Variants in CNTNAP2 observed in about 807,000 individuals in gnomAD.
CNTNAP2 encodes the protein contactin-associated protein-like 2.
A neutral mutation model predicts 155.2 loss-of-function variants in CNTNAP2; 98 were observed. That is an observed-to-expected ratio of 0.63 (90% CI 0.54 to 0.75). CNTNAP2 has a LOEUF of 0.75. Ranked by LOEUF, CNTNAP2 falls within the 30% of genes least tolerant of loss-of-function variation. The pLI is 0.00. For missense variants in CNTNAP2, 1,727 were observed against 1,688.1 expected, an observed-to-expected ratio of 1.02 and a Z score of -0.40; for synonymous variants, 651 against 631.2, an observed-to-expected ratio of 1.03 and a Z score of -0.47.
At chr7:147,512,532 A>T (rs571998086) in intron 11 of CNTNAP2, among the ~76,000 whole-genome samples, 1 of 152,308 alleles carries the variant, frequency 6.6e-6, no homozygotes, top group South Asian at 2.1e-4. Flanking sequence ...ATAACTAAAG[A>T]TCAAAGTAGT....
At chr7:148,351,026 A>G (rs1157367534) in intron 21 of CNTNAP2, among the ~76,000 whole-genome samples, 2 of 152,210 alleles carry the variant, frequency 1.3e-5, no homozygotes, top group Admixed American at 6.5e-5. Flanking sequence ...CAAGCGAGCG[A>G]GAGAGGTCAG....
At chr7:147,786,428 T>C (rs1371739012) in intron 13 of CNTNAP2, among the ~76,000 whole-genome samples, 1 of 152,116 alleles carries the variant, frequency 6.6e-6, no homozygotes, top group Non-Finnish European at 1.5e-5. Context: ...ATGTGCCGGA[T>C]GGCATGAGCC....
At chr7:146,400,875 T>C (rs572598406) in intron 1 of CNTNAP2, among the ~76,000 whole-genome samples, 5 of 152,296 alleles carry the variant, frequency 3.3e-5, no homozygotes, top group Admixed American at 2.0e-4. Flanking sequence ...ATTCTTGGAT[T>C]AATAAGGAAA....
At chr7:147,149,021 G>T (rs1187318491) in intron 8 of CNTNAP2, among the ~76,000 whole-genome samples, 2 of 152,218 alleles carry the variant, frequency 1.3e-5, no homozygotes, top group African/African-American at 2.4e-5. Context: ...CATGGAAGGG[G>T]ACGAGCAAGT....
intron 1 of CNTNAP2, among the ~76,000 whole-genome samples, chr7:146,310,718 C>G (rs529732751): frequency 2.0e-5 from 3 of 152,218 alleles, no homozygotes; most frequent in South Asian, 4.2e-4. Context: ...AACTTGTAGT[C>G]AGATAGCAGT....
chr7:146,697,739 T>C (rs965890346), intron 1 of CNTNAP2, among the ~76,000 whole-genome samples: 1 of 152,198 alleles, frequency 6.6e-6, no homozygotes, highest in African/African-American at 2.4e-5. Flanking sequence ...TAATCCACCG[T>C]GATAAGCTCT....
chr7:147,751,081 T>G (rs2030760), intron 13 of CNTNAP2, among the ~76,000 whole-genome samples: 1 of 150,064 alleles, frequency 6.7e-6, no homozygotes, highest in Admixed American at 6.8e-5. Flanking sequence ...TAAAATAAAT[T>G]AAAAAAAATT....
Position 146,978,439 on chromosome 7 carries a change from C to T in CNTNAP2, c.403-65468C>T, listed in dbSNP as rs571161122. Among the ~76,000 whole-genome samples, 8 of 152,180 alleles carry T rather than the reference C, an allele frequency of 5.3e-5. No homozygotes were observed. The South Asian group carries it at 1.7e-3, about 32-fold the overall frequency. On this transcript the variant is annotated intron_variant, in intron 3 of 23. Transcript: ENST00000361727. ...TGTCCTGTTCAGAAAAATGACATTT[C>T]CAGGAGTTGGAATAATGCTAAACTA...
intron 11 of CNTNAP2, among the ~76,000 whole-genome samples, chr7:147,553,911 G>C (rs1443643081): frequency 1.3e-5 from 2 of 152,078 alleles, no homozygotes; most frequent in East Asian, 3.9e-4. Context: ...TCAGTGAGCC[G>C]AGATCGCGTC....
intron 12 of CNTNAP2, among the ~76,000 whole-genome samples, chr7:147,632,047 C>A (rs1453238085): frequency 6.6e-6 from 1 of 152,048 alleles, no homozygotes; most frequent in Non-Finnish European, 1.5e-5. Context: ...AACAGACAAC[C>A]CACAGTGGGA....
intron 13 of CNTNAP2, among the ~76,000 whole-genome samples, chr7:147,749,880 C>T (rs975796485): frequency 1.3e-5 from 2 of 151,856 alleles, no homozygotes; most frequent in Non-Finnish European, 2.9e-5. Context: ...ACATCTTAAC[C>T]CCAAAATTAT....
intron 9 of CNTNAP2, among the ~76,000 whole-genome samples, chr7:147,319,811 G>A (rs2116817377): frequency 6.6e-6 from 1 of 152,278 alleles, no homozygotes; most frequent in Admixed American, 6.5e-5. Flanking sequence ...ATCCAACTTA[G>A]TAACGATTTA....
intron 8 of CNTNAP2, among the ~76,000 whole-genome samples, chr7:147,297,368 C>G (rs1794849347): frequency 6.6e-6 from 1 of 151,866 alleles, no homozygotes; most frequent in Admixed American, 6.6e-5. Flanking sequence ...AGCTTATAAT[C>G]AAGTGATAGA....
intron 1 of CNTNAP2, among the ~76,000 whole-genome samples, chr7:146,707,208 T>A (rs1377623824): frequency 1.3e-5 from 2 of 152,152 alleles, no homozygotes; most frequent in Non-Finnish European, 2.9e-5. Flanking sequence ...AGCCCCAGTG[T>A]GTGCCTGAAG....
chr7:148,144,465 G>A (rs1484947305), intron 16 of CNTNAP2, among the ~76,000 whole-genome samples: 2 of 152,206 alleles, frequency 1.3e-5, no homozygotes, highest in Non-Finnish European at 2.9e-5. Flanking sequence ...CTGCTGTGTT[G>A]TGAGTAAAGA....
At chr7:146,160,702 A>T (rs962901413) in intron 1 of CNTNAP2, among the ~76,000 whole-genome samples, 1 of 152,196 alleles carries the variant, frequency 6.6e-6, no homozygotes, top group Non-Finnish European at 1.5e-5. Context: ...AAATTCAGGC[A>T]ATAATTAATA....
intron 2 of CNTNAP2, among the ~76,000 whole-genome samples, chr7:146,812,381 T>C (rs1665274357): frequency 6.6e-6 from 1 of 150,716 alleles, no homozygotes; most frequent in African/African-American, 2.4e-5. Context: ...AACTTTGAAC[T>C]TAAAAGAGAT....
intron 15 of CNTNAP2, among the ~76,000 whole-genome samples, chr7:148,001,789 G>A (rs1801903599): frequency 6.6e-6 from 1 of 152,090 alleles, no homozygotes; most frequent in Admixed American, 6.6e-5. Context: ...ATATAAAAGA[G>A]TTACAAAAAT....
chr7:148,220,206 C>A (rs188698292), intron 19 of CNTNAP2, among the ~76,000 whole-genome samples: 1 of 152,192 alleles, frequency 6.6e-6, no homozygotes, highest in African/African-American at 2.4e-5. Flanking sequence ...AGGTTCACAC[C>A]ATTCTCCTGC....
Sources: gnomAD v4.1 joint callset for allele counts (sites outside exome capture counted in the v4.1 genomes callset) on GRCh38, gnomAD v4.1.1 for gene constraint, MANE v1.5 for transcripts, NCBI Gene and HGNC (gene_info 2026-07-23, HGNC 2026-07-21) for gene names.